Variants in DAB1 observed in about 807,000 individuals in gnomAD.
DAB1 encodes the protein disabled homolog 1.
Under a neutral mutation model 64.6 loss-of-function variants are expected in DAB1, and 15 were observed. That is an observed-to-expected ratio of 0.23 (90% confidence interval 0.16 to 0.36). The LOEUF (loss-of-function observed/expected upper bound fraction) is 0.36. Among genes scored for constraint, DAB1 ranks in the 10% least tolerant of loss-of-function variants. The pLI is 1.00. For synonymous variants in DAB1, 235 were observed against 251.9 expected (o/e 0.93, Z 0.64); for missense variants, 596 against 706.7 (o/e 0.84, Z 1.78).
chr1:58,537,454 A>C (rs1389089967), intron 1 of DAB1, among the ~76,000 whole-genome samples: 1 of 152,202 alleles, frequency 6.6e-6, no homozygotes, highest in Non-Finnish European at 1.5e-5. Flanking sequence ...GAAAAAGGAG[A>C]GATAACAAGA....
At chr1:58,319,462 G>A (rs1383939911) in intron 4 of DAB1, among the ~76,000 whole-genome samples, 1 of 152,170 alleles carries the variant, frequency 6.6e-6, no homozygotes, top group South Asian at 2.1e-4. Context: ...AAAAGTGACA[G>A]GGACAATTTG....
chr1:57,650,778 A>G (rs1646247282), intron 6 of DAB1, among the ~76,000 whole-genome samples: 1 of 151,920 alleles, frequency 6.6e-6, no homozygotes, highest in African/African-American at 2.4e-5. Context: ...TTAGTTGGGG[A>G]CTCCCTATTC....
intron 2 of DAB1, among the ~76,000 whole-genome samples, chr1:57,197,959 A>G (rs993739760): frequency 9.2e-5 from 14 of 152,174 alleles, no homozygotes; most frequent in Non-Finnish European, 2.1e-4. Flanking sequence ...AATGAAATAG[A>G]AGATCTCTTT....
chr1:58,212,335 A>G (rs1305610937), intron 4 of DAB1, among the ~76,000 whole-genome samples: 1 of 152,200 alleles, frequency 6.6e-6, no homozygotes, highest in Non-Finnish European at 1.5e-5. Flanking sequence ...GATTATACCC[A>G]TCTTACAGAT....
At chr1:58,275,241 TAGG>T (rs1239141320) in intron 4 of DAB1, among the ~76,000 whole-genome samples, 1 of 152,118 alleles carries the variant, frequency 6.6e-6, no homozygotes, top group African/African-American at 2.4e-5. Context: ...AAAGAAAACA[TAGG>T]AGAAGAGCTT....
intron 3 of DAB1, among the ~76,000 whole-genome samples, chr1:58,373,572 T>C (rs958069918): frequency 9.6e-4 from 146 of 151,846 alleles, no homozygotes; most frequent in African/African-American, 3.4e-3. Flanking sequence ...CAGTCTATCA[T>C]TGTTGGACAT....
chr1:57,567,026 A>C (rs1056873643), intron 7 of DAB1, among the ~76,000 whole-genome samples: 2 of 152,216 alleles, frequency 1.3e-5, no homozygotes, highest in African/African-American at 2.4e-5. Context: ...AAAAATCCTC[A>C]ATAAAATACT....
chr1:57,063,615 T>G (rs1173413736), intron 8 of DAB1, among the ~76,000 whole-genome samples: 2 of 152,184 alleles, frequency 1.3e-5, no homozygotes, highest in African/African-American at 2.4e-5. Flanking sequence ...GCTGAGCAGG[T>G]CACTGAGCTC....
intron 4 of DAB1, among the ~76,000 whole-genome samples, chr1:57,091,253 G>T (rs749547374): frequency 2.0e-5 from 3 of 151,972 alleles, no homozygotes; most frequent in African/African-American, 4.8e-5. Flanking sequence ...TTGATAAATT[G>T]TCTCTACATC....
intron 4 of DAB1, among the ~76,000 whole-genome samples, chr1:58,208,468 C>T (rs1196573596): frequency 6.6e-6 from 1 of 152,072 alleles, no homozygotes; most frequent in African/African-American, 2.4e-5. Flanking sequence ...TCCAAGTCTC[C>T]AAAGTCCATT....
At chr1:57,810,156 G>A (rs1217729175) in intron 6 of DAB1, among the ~76,000 whole-genome samples, 1 of 152,136 alleles carries the variant, frequency 6.6e-6, no homozygotes, top group African/African-American at 2.4e-5. Context: ...GAAAAAGGCA[G>A]TAGCTGAGGC....
chr1:57,471,667 A>G (rs917291129), intron 7 of DAB1, among the ~76,000 whole-genome samples: 2 of 152,198 alleles, frequency 1.3e-5, no homozygotes, highest in Admixed American at 1.3e-4. Context: ...GCCGCCATGT[A>G]AGACATACCT....
chr1:57,375,862 G>T (rs960385058), intron 1 of DAB1, among the ~76,000 whole-genome samples: 1 of 152,218 alleles, frequency 6.6e-6, no homozygotes, highest in Non-Finnish European at 1.5e-5. Flanking sequence ...GACTGTTTAT[G>T]CATTCCTTCA....
intron 4 of DAB1, among the ~76,000 whole-genome samples, chr1:58,156,671 G>C (rs1024526300): frequency 7.9e-5 from 12 of 152,136 alleles, no homozygotes; most frequent in African/African-American, 2.4e-4. Flanking sequence ...CTGAAAGACA[G>C]GGAAGAAGTA....
intron 2 of DAB1, among the ~76,000 whole-genome samples, chr1:57,178,310 A>G (rs2100955944): frequency 6.6e-6 from 1 of 152,302 alleles, no homozygotes; most frequent in African/African-American, 2.4e-5. Flanking sequence ...CAAAAAAAAA[A>G]AAAATGGTCA....
intron 4 of DAB1, among the ~76,000 whole-genome samples, chr1:58,168,113 C>T (rs926533867): frequency 4.6e-5 from 7 of 152,148 alleles, no homozygotes; most frequent in South Asian, 4.2e-4. Context: ...ATACCGGGCA[C>T]CTGTCAGCCA....
intron 6 of DAB1, among the ~76,000 whole-genome samples, chr1:57,748,037 G>A (rs962648551): frequency 6.6e-6 from 1 of 152,022 alleles, no homozygotes; most frequent in African/African-American, 2.4e-5. Context: ...TCTATCACAT[G>A]CCTACTACTT....
rs576256098 is a variant in DAB1 at position 57,826,655 on chromosome 1, C to A, written n.88-200G>T. Among the ~76,000 whole-genome samples the A allele has an allele frequency of 3.9e-5, 6 of 152,268 alleles. No individual in the cohort carries two copies. In the East Asian group the frequency reaches 5.8e-4, roughly 15 times the overall value. On this transcript the variant is annotated intron_variant and non_coding_transcript_variant, in intron 1 of 1. Transcript: ENST00000477280. ...GTGAAGCGATACAGCAAACAGGCAT[C>A]GGAGCAGATGTGACAAGTGCACAGG...
chr1:57,981,889 C>T (rs1297377424), intron 5 of DAB1, among the ~76,000 whole-genome samples: 2 of 152,190 alleles, frequency 1.3e-5, no homozygotes, highest in Non-Finnish European at 2.9e-5. Flanking sequence ...TCTTAACCCA[C>T]TTGCTTTTCT....
Sources: gnomAD v4.1 joint callset for allele counts (sites outside exome capture counted in the v4.1 genomes callset) on GRCh38, gnomAD v4.1.1 for gene constraint, MANE v1.5 for transcripts, NCBI Gene and HGNC (gene_info 2026-07-23, HGNC 2026-07-21) for gene names.